FAM216A: variants seen among roughly 807,000 people sequenced by gnomAD.
FAM216A encodes the protein family with sequence similarity 216 member A, also known as protein FAM216A.
A neutral mutation model predicts 37.6 loss-of-function variants in FAM216A; 26 were observed. That is an observed-to-expected ratio of 0.69 (90% CI 0.51 to 0.96). The LOEUF is 0.96. Among genes scored for constraint, FAM216A ranks in the 40% least tolerant of loss-of-function variants. The probability of loss-of-function intolerance (pLI) is 0.00; values close to 1 mark genes in which losing one functional copy is unlikely to be tolerated. For missense variants in FAM216A, 326 were observed against 339.3 expected, an observed-to-expected ratio of 0.96 and a Z score of 0.31; for synonymous variants, 110 against 121.7, an observed-to-expected ratio of 0.90 and a Z score of 0.64.
chr12:110,489,646 T>G (rs989364406), intron 6 of FAM216A, among the ~76,000 whole-genome samples: 4 of 151,804 alleles, frequency 2.6e-5, no homozygotes, highest in Non-Finnish European at 1.5e-5. Flanking sequence ...AAGGTACAGT[T>G]AGCGGAAACT....
intron 2 of FAM216A, among the ~76,000 whole-genome samples, chr12:110,484,426 C>CAAAAAAAA (rs61648841): frequency 2.0e-5 from 1 of 51,258 alleles, no homozygotes; most frequent in Non-Finnish European, 3.5e-5. Flanking sequence ...GACTCCGTCT[C>CAAAAAAAA]AAAAAAAAAA....
intron 6 of FAM216A, among the ~76,000 whole-genome samples, chr12:110,489,309 A>T (rs2062796241): frequency 6.6e-6 from 1 of 152,148 alleles, no homozygotes; most frequent in African/African-American, 2.4e-5. Context: ...GTTCGAGAGC[A>T]GCCTGACCAA....
Position 110,490,351 on chromosome 12 carries a change from T to TATAG in FAM216A, c.*215_*216insTAGA, listed in dbSNP as rs1420420833. 2.0e-6 allele frequency: 1 copy of TATAG among 491,414 alleles called. No homozygotes were observed. Among genetic ancestry groups the TATAG allele is most frequent in the East Asian group, 3.8e-5 (1 of 26,218 alleles). The allele number at this position is 491,414 out of a possible 1,614,324, so 30.4% of individuals were successfully genotyped here. On this transcript the variant is annotated 3_prime_UTR_variant, in exon 7 of 7. Coordinates refer to ENST00000377673, the MANE Select transcript of FAM216A (RefSeq NM_013300.3). Reference sequence around the variant, plus strand: ...TACATGTAACATATACTTGTACTTCTAGCTAGATACAATTAAAACTTTTCT... The same window carrying TATAG: ...TACATGTAACATATACTTGTACTTCTATAGAGCTAGATACAATTAAAACTTTTCT...
intron 2 of FAM216A, among the ~76,000 whole-genome samples, chr12:110,474,315 T>G (rs1185506170): frequency 6.6e-6 from 1 of 152,084 alleles, no homozygotes; most frequent in Non-Finnish European, 1.5e-5. Flanking sequence ...TAGATTGACT[T>G]AGTTATATAA....
At chr12:110,473,854 G>C (rs188214679) in intron 2 of FAM216A, among the ~76,000 whole-genome samples, 3 of 152,306 alleles carry the variant, frequency 2.0e-5, no homozygotes, top group Non-Finnish European at 4.4e-5. Context: ...GGAGTTAAGA[G>C]AGTAGGTAAA....
chr12:110,485,054 T>C (rs1419615076), intron 2 of FAM216A, 24 bp from the exon 3 acceptor site: 1 of 1,591,174 alleles, frequency 6.3e-7, no homozygotes, highest in Non-Finnish European at 8.5e-7. Context: ...GCCTCTGAAA[T>C]TCACATGATG....
chr12:110,472,900 T>G (rs2062694105), intron 1 of FAM216A, among the ~76,000 whole-genome samples, 178 bp from the exon 2 acceptor site: 1 of 133,232 alleles, frequency 7.5e-6, no homozygotes, highest in Admixed American at 9.2e-5. Flanking sequence ...CACTTGAAAC[T>G]GGGAGGCAGA....
chr12:110,487,938 A>C lies in FAM216A; in HGVS notation c.698A>C (p.Gln233Pro), dbSNP rs566470110. 29 of 1,586,316 alleles carry C rather than the reference A, an allele frequency of 1.8e-5. No homozygotes were observed. The Admixed American group carries it at 4.7e-4, about 25-fold the overall frequency. Residue 233 changes from glutamine (Q) to proline (P), a missense_variant, in exon 6 of 7, where the codon CAA (glutamine) becomes CCA (proline). Gln to Pro is a moderately conservative substitution (Grantham distance 76, BLOSUM62 -1). Coordinates refer to ENST00000377673, the MANE Select transcript of FAM216A (RefSeq NM_013300.3). ...AGAAGACCAAGGAAACTGTTCATGCAAACAGGTAAATGTGGAAATTTAACA... is the reference window on the plus strand; with the variant it reads ...AGAAGACCAAGGAAACTGTTCATGCCAACAGGTAAATGTGGAAATTTAACA... ...IFRRPRKLFM[Q>P]TVSSDDSESH...
At chr12:110,471,161 C>G (rs1022404695) in intron 1 of FAM216A, among the ~76,000 whole-genome samples, 11 of 151,962 alleles carry the variant, frequency 7.2e-5, no homozygotes, top group African/African-American at 2.7e-4. Flanking sequence ...GTGGTGTGAT[C>G]TTGGCTCACT....
intron 1 of FAM216A, among the ~76,000 whole-genome samples, chr12:110,472,006 C>G (rs1476607088): frequency 6.6e-6 from 1 of 151,540 alleles, no homozygotes; most frequent in African/African-American, 2.4e-5. Flanking sequence ...CTGAGGCGGG[C>G]GAATCAGTTG....
rs1371502098 is a variant in FAM216A, at chr12:110,488,040, A to C, written c.703+97A>C. 5 of 727,736 alleles carry C rather than the reference A, an allele frequency of 6.9e-6. No homozygotes were observed. The Admixed American group carries it at 1.3e-4, about 19-fold the overall frequency. The allele number at this position is 727,736 out of a possible 1,614,324, so 45.1% of individuals were successfully genotyped here. A position where few individuals can be genotyped will look rare whatever the true frequency, so the allele number is the denominator to read the frequency against. ...TCATTTCTATTATGAAGATATTAACAAATTTAGAATATGATTTGCTTTTAT... is the reference window on the plus strand; with the variant it reads ...TCATTTCTATTATGAAGATATTAACCAATTTAGAATATGATTTGCTTTTAT... On this transcript the variant is annotated intron_variant, in intron 6 of 6. Transcript: ENST00000377673.
rs181395779 is a variant in FAM216A at position 110,477,422 on chromosome 12, G to A, written c.184+4304G>A. On this transcript the variant is annotated intron_variant, in intron 2 of 6. Coordinates refer to ENST00000377673, the MANE Select transcript of FAM216A (RefSeq NM_013300.3). ...GGCTGGAGTGCAGTGGTGCAATCTCGGCTTACTGCAAGCTCCGCCTCCCGG... is the reference window on the plus strand; with the variant it reads ...GGCTGGAGTGCAGTGGTGCAATCTCAGCTTACTGCAAGCTCCGCCTCCCGG... Among the ~76,000 whole-genome samples the A allele has an allele frequency of 6.9e-3, 1,044 of 152,080 alleles. 1 individual carries two copies. Among genetic ancestry groups the A allele is most frequent in the Non-Finnish European group, 9.4e-3 (637 of 67,986 alleles).
In FAM216A at chr12:110,473,065, AT is replaced by A; in HGVS notation, c.144-7del. 7.0e-7 allele frequency: 1 copy of A among 1,435,966 alleles called. No individual in the cohort carries two copies. The highest frequency in any genetic ancestry group is 9.5e-7 in the Non-Finnish European group (1 of 1,053,492). 89.0% of individuals were successfully genotyped at this position (1,435,966 alleles called of 1,614,324 possible). A position where few individuals can be genotyped will look rare whatever the true frequency, so the allele number is the denominator to read the frequency against. ...TTATTACATATTATTTATATGCTTTATTTTTTCAACAGATCAGCTGGATACT... is the reference window on the plus strand; with the variant it reads ...TTATTACATATTATTTATATGCTTTATTTTTCAACAGATCAGCTGGATACT... On this transcript the variant is annotated splice_polypyrimidine_tract_variant and intron_variant, in intron 1 of 6. Transcript: ENST00000377673.
chr12:110,486,795 C>T (rs2062779674), intron 5 of FAM216A, 78 bp downstream of exon 5: 9 of 1,310,574 alleles, frequency 6.9e-6, no homozygotes, highest in Middle Eastern at 2.1e-4. Context: ...TTTGTTCTCT[C>T]ACCCAGGCTG....
chr12:110,477,426 T>C (rs10735076), intron 2 of FAM216A, among the ~76,000 whole-genome samples: 127,484 of 152,066 alleles, frequency 0.84, 54,106 homozygotes, highest in East Asian at 1. Context: ...AATCTCGGCT[T>C]ACTGCAAGCT....
At chr12:110,485,019 A>G in intron 2 of FAM216A, 59 bp from the exon 3 acceptor site, 1 of 1,554,304 alleles carries the variant, frequency 6.4e-7, no homozygotes, top group South Asian at 1.2e-5. Flanking sequence ...AGATCTTAAT[A>G]ATTCAGTTTG....
intron 1 of FAM216A, among the ~76,000 whole-genome samples, chr12:110,472,513 C>T (rs2062692273): frequency 6.6e-6 from 1 of 151,822 alleles, no homozygotes; most frequent in African/African-American, 2.4e-5. Flanking sequence ...GGGCTATGAT[C>T]ACGACACTGC....
chr12:110,469,121 G>A (rs2062662062), intron 1 of FAM216A, 103 bp downstream of exon 1: 2 of 1,279,498 alleles, frequency 1.6e-6, no homozygotes, highest in Non-Finnish European at 2.0e-6. Context: ...CCGACCTCTC[G>A]TCTCGGGGGC....
At chr12:110,469,114 A>C in intron 1 of FAM216A, 96 bp downstream of exon 1, 1 of 1,274,444 alleles carries the variant, frequency 7.8e-7, no homozygotes, top group Non-Finnish European at 1.0e-6. Flanking sequence ...GCTGCGGCCG[A>C]CCTCTCGTCT....
Sources: gnomAD v4.1 joint callset for allele counts (sites outside exome capture counted in the v4.1 genomes callset) on GRCh38, gnomAD v4.1.1 for gene constraint, MANE v1.5 for transcripts, NCBI Gene and HGNC (gene_info 2026-07-23, HGNC 2026-07-21) for gene names.